Variants in BCAS3 observed in about 807,000 individuals in gnomAD.
BCAS3 encodes BCAS3 microtubule associated cell migration factor.
BCAS3 carries 53 observed loss-of-function variants against 116.1 expected under a neutral mutation model. That is an observed-to-expected ratio of 0.46 (90% CI 0.37 to 0.57). BCAS3 has a LOEUF of 0.57. BCAS3 is among the 20% of genes least tolerant of loss of function. The pLI is 0.00. For missense variants in BCAS3, 917 were observed against 1,165.4 expected (o/e 0.79, Z 3.10); for synonymous variants, 391 against 408.2 (o/e 0.96, Z 0.51).
intron 7 of BCAS3, among the ~76,000 whole-genome samples, chr17:60,845,376 GAA>G (rs2052418944): frequency 6.6e-6 from 1 of 152,236 alleles, no homozygotes; most frequent in African/African-American, 2.4e-5. Flanking sequence ...TGATTAGAGA[GAA>G]TTGTTTAGGG....
In BCAS3 at chr17:61,200,848, C is replaced by G. The variant is rs1003621158; in HGVS notation, c.2425+116284C>G. 6.6e-6 allele frequency among the ~76,000 whole-genome samples: 1 copy of G among 152,064 alleles called. No individual in the cohort carries two copies. The highest frequency in any genetic ancestry group is 1.5e-5 in the Non-Finnish European group (1 of 68,010). On this transcript the variant is annotated intron_variant, in intron 22 of 23. Coordinates refer to ENST00000407086, the MANE Select transcript of BCAS3 (RefSeq NM_017679.5). The surrounding 1 kb of genome is among the most constrained non-coding windows in gnomAD (Gnocchi z 5.1). ...GTACTTTTTTGATGGGCTACCTTTC[C>G]TCTTTCCTGCCTCATCCAAACAGTC...
At chr17:60,957,400 G>A (rs965944015) in intron 14 of BCAS3, among the ~76,000 whole-genome samples, 1 of 151,920 alleles carries the variant, frequency 6.6e-6, no homozygotes, top group Non-Finnish European at 1.5e-5. Context: ...TCCTAGTTAT[G>A]GTTTTACTAA....
rs765618531 is a variant in BCAS3, at chr17:61,015,907, G to A, written c.1637+6G>A. 1.9e-6 allele frequency: 3 copies of A among 1,610,966 alleles called. No individual in the cohort carries two copies. The highest frequency in any genetic ancestry group is 2.5e-6 in the Non-Finnish European group (3 of 1,178,374). ...ACCATCACCAAACGAACCGGGTAAG[G>A]CCTTAGACTTGATGCTTTTTTAACA... On this transcript the variant is annotated splice_donor_region_variant and intron_variant, in intron 16 of 23. Transcript: ENST00000407086.
At chr17:60,724,284 A>C (rs1893416785) in intron 5 of BCAS3, among the ~76,000 whole-genome samples, 2 of 151,480 alleles carry the variant, frequency 1.3e-5, no homozygotes, top group African/African-American at 2.4e-5. Context: ...TTAGCTGGGC[A>C]TGATGGTGTG....
intron 14 of BCAS3, among the ~76,000 whole-genome samples, chr17:60,976,502 G>A (rs2062386273): frequency 2.0e-5 from 3 of 151,696 alleles, no homozygotes; most frequent in Admixed American, 1.3e-4. Context: ...GATTTGGCAG[G>A]GTCATAGGAC....
At chr17:61,010,128 A>T (rs2065011910) in intron 15 of BCAS3, among the ~76,000 whole-genome samples, 1 of 145,752 alleles carries the variant, frequency 6.9e-6, no homozygotes, top group African/African-American at 2.6e-5. Context: ...TGGTTTGGGA[A>T]TATGCCTCTC....
Position 61,015,811 on chromosome 17 carries a change from G to A in BCAS3, c.1547G>A (p.Arg516Gln), listed in dbSNP as rs757599517. 14 of 1,613,724 alleles carry A rather than the reference G, an allele frequency of 8.7e-6. No homozygotes were observed. Among genetic ancestry groups the A allele is most frequent in the Non-Finnish European group, 1.1e-5 (13 of 1,179,916 alleles). Residue 516 changes from arginine to glutamine, a missense_variant, in exon 16 of 24, where the codon CGG (arginine) becomes CAG (glutamine). Around this residue, in one of 3 missense-constraint regions of BCAS3, gnomAD observed 807 missense variants for 1,026.0 expected, o/e 0.79. Transcript: ENST00000407086. ...NFTNNNPGNP[R>Q]LSPLPSLMVV... ...ACCAACAACAACCCTGGCAACCCTC[G>A]GCTCTCTCCTCTTCCCAGCTTGATG... is the stretch of plus-strand genomic sequence containing the variant.
chr17:61,037,490 G>A lies in BCAS3; in HGVS notation c.1763-399G>A, dbSNP rs1002697323. Reference sequence around the variant, plus strand: ...AGCACCATATGAAAAAATTCCTGTCGTCTGAGCATGGTGGCTCACGCCTTT... The same window carrying A: ...AGCACCATATGAAAAAATTCCTGTCATCTGAGCATGGTGGCTCACGCCTTT... On this transcript the variant is annotated intron_variant, in intron 17 of 23. Coordinates refer to ENST00000407086, the MANE Select transcript of BCAS3 (RefSeq NM_017679.5). The surrounding 1 kb of genome is among the most constrained non-coding windows in gnomAD (Gnocchi z 4.7). 5.3e-5 allele frequency among the ~76,000 whole-genome samples: 8 copies of A among 152,282 alleles called. No homozygotes were observed. The highest frequency in any genetic ancestry group is 3.4e-3 in the Middle Eastern group (1 of 294).
intron 6 of BCAS3, among the ~76,000 whole-genome samples, chr17:60,779,266 A>G (rs977433538): frequency 5.3e-5 from 8 of 152,144 alleles, no homozygotes; most frequent in African/African-American, 1.9e-4. Context: ...TTCCACACAT[A>G]AATAACACAA....
At chr17:60,758,070 CATGG>C (rs1347178471) in intron 6 of BCAS3, among the ~76,000 whole-genome samples, 3 of 152,066 alleles carry the variant, frequency 2.0e-5, no homozygotes, top group Admixed American at 2.0e-4. Context: ...GTTATAAATA[CATGG>C]ATTTATTTCT....
At chr17:60,681,504 A>C (rs2033105377) in intron 2 of BCAS3, among the ~76,000 whole-genome samples, 1 of 151,648 alleles carries the variant, frequency 6.6e-6, no homozygotes, top group African/African-American at 2.4e-5. Flanking sequence ...TCATTTCCAA[A>C]AAATAAGAAA....
At chr17:60,887,132 G>GGATATAGT in intron 9 of BCAS3, 1 of 152,870 alleles carries the variant, frequency 6.5e-6, no homozygotes, top group Non-Finnish European at 1.5e-5. Flanking sequence ...GCCAGGTGTG[G>GGATATAGT]GATATAGTCT....
intron 22 of BCAS3, among the ~76,000 whole-genome samples, chr17:61,237,908 C>T (rs1256883284): frequency 2.0e-5 from 3 of 152,172 alleles, no homozygotes; most frequent in African/African-American, 7.2e-5. Flanking sequence ...TCTAATGGAT[C>T]ACCCATATTC....
At chr17:60,694,137 C>T (rs931760267) in intron 4 of BCAS3, among the ~76,000 whole-genome samples, 3 of 150,742 alleles carry the variant, frequency 2.0e-5, no homozygotes, top group Non-Finnish European at 4.4e-5. Context: ...CTGCCCGCTT[C>T]GGCCTTCCAA....
Position 61,181,494 on chromosome 17 carries a change from G to A in BCAS3, c.2425+96930G>A, listed in dbSNP as rs2079478196. On this transcript the variant is annotated intron_variant, in intron 22 of 23. Transcript: ENST00000407086. This position sits in a 1 kb window ranked among gnomAD's most constrained non-coding sequence, Gnocchi z 5.0. ...ACACCCAGAAACAGTCTTTTGTGTA[G>A]TAACCCAGCCAAAGAGCTTGACTAT... 6.6e-6 allele frequency among the ~76,000 whole-genome samples: 1 copy of A among 152,180 alleles called. No homozygotes were observed. The highest frequency in any genetic ancestry group is 1.5e-5 in the Non-Finnish European group (1 of 68,016).
chr17:60,994,989 T>C lies in BCAS3; in HGVS notation c.1486+4754T>C, dbSNP rs1403328486. On this transcript the variant is annotated intron_variant, in intron 15 of 23. Transcript: ENST00000407086. The surrounding 1 kb of genome is among the most constrained non-coding windows in gnomAD (Gnocchi z 4.4). The stretch of plus-strand genomic sequence containing the variant: ...GACATAGATTCTAAGGCCTTTTTTA[T>C]TTTTTTGAGACGGGGTCTCGCTCTG... Among the ~76,000 whole-genome samples the C allele has an allele frequency of 1.3e-5, 2 of 152,152 alleles. No homozygotes were observed. Among genetic ancestry groups the C allele is most frequent in the African/African-American group, 4.8e-5 (2 of 41,440 alleles).
In BCAS3 at chr17:61,323,422, C is replaced by T. The variant is rs934425700; in HGVS notation, c.2426-44905C>T. On this transcript the variant is annotated intron_variant, in intron 22 of 23. Transcript: ENST00000407086. The surrounding 1 kb of genome is among the most constrained non-coding windows in gnomAD (Gnocchi z 4.6). ...GGGTTCTAGTCTCAGCTTTGACCCT[C>T]CCTGGTAAGCTGTATAATCACAGGA... is the stretch of plus-strand genomic sequence containing the variant. Among the ~76,000 whole-genome samples, 1 of 152,186 alleles carries T rather than the reference C, an allele frequency of 6.6e-6. No individual in the cohort carries two copies. The highest frequency in any genetic ancestry group is 1.5e-5 in the Non-Finnish European group (1 of 68,038).
chr17:60,844,161 G>T (rs113750987), intron 7 of BCAS3, among the ~76,000 whole-genome samples: 17,527 of 151,990 alleles, frequency 0.12, 1,047 homozygotes, highest in African/African-American at 0.12. Context: ...GTAGAGATGG[G>T]GTTTCTTCAT....
At chr17:60,684,232 T>C (rs1454083951) in intron 3 of BCAS3, among the ~76,000 whole-genome samples, 196 bp downstream of exon 3, 1 of 152,204 alleles carries the variant, frequency 6.6e-6, no homozygotes, top group Non-Finnish European at 1.5e-5. Flanking sequence ...ATAAATATTA[T>C]TCCTTAGGAC....
Sources: allele counts gnomAD v4.1 joint callset (sites outside exome capture counted in the v4.1 genomes callset), GRCh38; gene constraint gnomAD v4.1.1; regional missense constraint gnomAD v4.1.1; non-coding constraint Gnocchi (gnomAD v3.1); transcripts MANE v1.5; gene names NCBI Gene and HGNC (gene_info 2026-07-23, HGNC 2026-07-21).